The following SNTG1 variants were observed in gnomAD, a reference collection of about 807,000 sequenced individuals.
The protein encoded by SNTG1 is syntrophin gamma 1.
In SNTG1, 39 loss-of-function variants were observed where a neutral mutation model predicts 74.7. The observed-to-expected ratio is 0.52, with a 90% CI of 0.40 to 0.68. The LOEUF (loss-of-function observed/expected upper bound fraction) is 0.68, where lower values mean the gene tolerates loss of function less well. Ranked by LOEUF, SNTG1 falls within the 30% of genes least tolerant of loss-of-function variation. SNTG1 has a pLI of 0.00. For synonymous variants in SNTG1, 254 were observed against 217.1 expected (o/e 1.17, Z -1.49); for missense variants, 685 against 609.5 (o/e 1.12, Z -1.30).
At chr8:50,512,148 A>G (rs1386371654) in intron 9 of SNTG1, among the ~76,000 whole-genome samples, 1 of 151,936 alleles carries the variant, frequency 6.6e-6, no homozygotes, top group Non-Finnish European at 1.5e-5. Context: ...TTGTCTGTAA[A>G]GTATTTTATT....
rs563386715 is a variant in SNTG1 at position 49,934,429 on chromosome 8, A to AT, written c.-103+22202dup. Among the ~76,000 whole-genome samples, 500 of 152,258 alleles carry AT rather than the reference A, an allele frequency of 3.3e-3. 2 individuals are homozygous for AT. Among genetic ancestry groups the AT allele is most frequent in the Admixed American group, 6.0e-3 (92 of 15,290 alleles). Reference sequence around the variant, plus strand: ...TTGAGAGAAAATATAATAGAATGGTATTTTCAAATTAGGCAATTCACAAAG... The same window carrying AT: ...TTGAGAGAAAATATAATAGAATGGTATTTTTCAAATTAGGCAATTCACAAAG... On this transcript the variant is annotated intron_variant, in intron 1 of 18. Transcript: ENST00000642720.
chr8:49,945,780 C>T (rs2129383155), intron 1 of SNTG1, among the ~76,000 whole-genome samples: 1 of 152,274 alleles, frequency 6.6e-6, no homozygotes, highest in African/African-American at 2.4e-5. Context: ...GTCTACCTGT[C>T]AAAGCACATG....
At chr8:50,259,600 C>A in intron 2 of SNTG1, among the ~76,000 whole-genome samples, 1 of 150,348 alleles carries the variant, frequency 6.7e-6, no homozygotes, top group Non-Finnish European at 1.5e-5. Context: ...AGCACATTTC[C>A]AAATAAACAA....
intron 1 of SNTG1, among the ~76,000 whole-genome samples, chr8:50,172,212 A>C (rs1053355024): frequency 2.0e-5 from 3 of 152,218 alleles, no homozygotes; most frequent in Non-Finnish European, 2.9e-5. Flanking sequence ...TCACTAATTT[A>C]AACTTGGAGT....
intron 1 of SNTG1, among the ~76,000 whole-genome samples, chr8:50,167,855 T>C (rs1326540125): frequency 6.6e-6 from 1 of 150,872 alleles, no homozygotes; most frequent in Non-Finnish European, 1.5e-5. Flanking sequence ...AAGAATAAAG[T>C]AAATTTGTTT....
intron 1 of SNTG1, among the ~76,000 whole-genome samples, chr8:49,960,700 G>C (rs890944865): frequency 2.0e-5 from 3 of 151,988 alleles, no homozygotes; most frequent in Non-Finnish European, 4.4e-5. Flanking sequence ...AGAAAACAAG[G>C]TCATCATGAG....
At chr8:50,372,581 G>A (rs1017457233) in intron 2 of SNTG1, among the ~76,000 whole-genome samples, 1 of 151,878 alleles carries the variant, frequency 6.6e-6, no homozygotes, top group African/African-American at 2.4e-5. Context: ...TCAAGAGATG[G>A]TCATAATTTA....
At chr8:50,305,227 C>G in intron 2 of SNTG1, among the ~76,000 whole-genome samples, 1 of 152,002 alleles carries the variant, frequency 6.6e-6, no homozygotes, top group Non-Finnish European at 1.5e-5. Flanking sequence ...TTATTAGTAT[C>G]TTAAGTATAT....
chr8:50,157,299 T>C (rs1018343242), intron 1 of SNTG1, among the ~76,000 whole-genome samples: 2 of 152,228 alleles, frequency 1.3e-5, no homozygotes, highest in African/African-American at 4.8e-5. Context: ...CTGAGTGCTA[T>C]AGAAATGTTC....
intron 2 of SNTG1, among the ~76,000 whole-genome samples, chr8:50,391,952 T>A (rs1280431825): frequency 6.6e-6 from 1 of 152,122 alleles, no homozygotes; most frequent in Non-Finnish European, 1.5e-5. Context: ...TCAACACTGC[T>A]AAGGTCTTTA....
chr8:50,422,082 G>C (rs1277278664), intron 4 of SNTG1, among the ~76,000 whole-genome samples: 1 of 152,126 alleles, frequency 6.6e-6, no homozygotes, highest in Non-Finnish European at 1.5e-5. Context: ...ATGGAAAGGA[G>C]AGGCCTGATT....
intron 1 of SNTG1, among the ~76,000 whole-genome samples, chr8:50,023,950 G>A (rs887221728): frequency 1.3e-5 from 2 of 152,008 alleles, no homozygotes; most frequent in Non-Finnish European, 2.9e-5. Context: ...CATAACCATG[G>A]GATTTCAGGC....
chr8:50,089,592 C>T (rs1232862614), intron 1 of SNTG1, among the ~76,000 whole-genome samples: 108 of 151,988 alleles, frequency 7.1e-4, no homozygotes, highest in Non-Finnish European at 1.2e-3. Context: ...AAAAAGTGGG[C>T]GAAAGACATG....
chr8:50,535,853 C>A (rs1277541838), intron 10 of SNTG1, among the ~76,000 whole-genome samples: 1 of 152,110 alleles, frequency 6.6e-6, no homozygotes, highest in Non-Finnish European at 1.5e-5. Flanking sequence ...AAAGGGAAGT[C>A]AATGTTACCA....
At position 50,145,961 on chromosome 8, in the gene SNTG1, T is replaced by TATA. The variant is rs563794805; in HGVS notation, c.-102-26589_-102-26587dup. 1.7e-4 allele frequency among the ~76,000 whole-genome samples: 22 copies of TATA among 128,968 alleles called. 1 individual carries two copies. The South Asian group carries it at 5.4e-3, about 32-fold the overall frequency. 84.6% of individuals were successfully genotyped at this position (128,968 alleles called of 152,430 possible). On this transcript the variant is annotated intron_variant, in intron 1 of 18. Coordinates refer to ENST00000642720, the MANE Select transcript of SNTG1 (RefSeq NM_018967.5). ...GTATCATGTACCCTAGAACTTAAAG[T>TATA]ATAATAATAATAAAAAAAAAAAGAA...
chr8:50,035,667 G>A (rs1208797133), intron 1 of SNTG1, among the ~76,000 whole-genome samples: 2 of 152,094 alleles, frequency 1.3e-5, no homozygotes, highest in African/African-American at 4.8e-5. Context: ...TCCAAATTCA[G>A]GCAAAGAAAA....
intron 2 of SNTG1, among the ~76,000 whole-genome samples, chr8:50,310,907 G>A (rs1308187894): frequency 6.6e-6 from 1 of 152,092 alleles, no homozygotes; most frequent in Non-Finnish European, 1.5e-5. Flanking sequence ...GCTAAATGGG[G>A]TCTTACAGTT....
At chr8:50,533,768 A>G (rs1243878766) in intron 10 of SNTG1, among the ~76,000 whole-genome samples, 2 of 152,182 alleles carry the variant, frequency 1.3e-5, no homozygotes, top group Admixed American at 1.3e-4. Context: ...AAATATAAGA[A>G]AGTGACATAC....
chr8:50,537,002 A>C (rs1249472578), intron 11 of SNTG1, among the ~76,000 whole-genome samples, 194 bp downstream of exon 11: 2 of 152,178 alleles, frequency 1.3e-5, no homozygotes, highest in Non-Finnish European at 2.9e-5. Context: ...TAAAGCCCTG[A>C]CTCTGCTATT....
Sources: gnomAD v4.1 joint callset for allele counts (sites outside exome capture counted in the v4.1 genomes callset) on GRCh38, gnomAD v4.1.1 for gene constraint, MANE v1.5 for transcripts, NCBI Gene and HGNC (gene_info 2026-07-23, HGNC 2026-07-21) for gene names.